The following IFT80 variants were observed in gnomAD, a reference collection of about 807,000 sequenced individuals.
IFT80 encodes intraflagellar transport 80.
IFT80 carries 79 observed loss-of-function variants against 107.9 expected under a neutral mutation model. That is an observed-to-expected ratio of 0.73 (90% CI 0.61 to 0.88). The LOEUF (loss-of-function observed/expected upper bound fraction) is 0.88, where lower values mean the gene tolerates loss of function less well. Among genes scored for constraint, IFT80 ranks in the 40% least tolerant of loss-of-function variants. The pLI is 0.00. For synonymous variants in IFT80, 299 were observed against 300.9 expected, an observed-to-expected ratio of 0.99 and a Z score of 0.07; for missense variants, 797 against 914.2, an observed-to-expected ratio of 0.87 and a Z score of 1.65.
intron 7 of IFT80, among the ~76,000 whole-genome samples, chr3:160,356,860 C>T (rs1043657110): frequency 1.3e-5 from 2 of 152,138 alleles, no homozygotes; most frequent in African/African-American, 2.4e-5. Flanking sequence ...CCTGTAAGGG[C>T]TCTACCTACT....
At chr3:160,286,879 G>A (rs1398116146) in intron 12 of IFT80, among the ~76,000 whole-genome samples, 1 of 151,978 alleles carries the variant, frequency 6.6e-6, no homozygotes, top group Admixed American at 6.5e-5. Flanking sequence ...AGAATTTCCT[G>A]AGTGATTAGA....
intron 6 of IFT80, among the ~76,000 whole-genome samples, chr3:160,364,982 C>T (rs1207665733): frequency 1.3e-5 from 2 of 150,142 alleles, no homozygotes; most frequent in East Asian, 3.9e-4. Context: ...GCACATGTAC[C>T]CTAGAACTTA....
intron 19 of IFT80, among the ~76,000 whole-genome samples, chr3:160,262,908 G>C (rs1320691150): frequency 6.6e-6 from 1 of 152,016 alleles, no homozygotes; most frequent in African/African-American, 2.4e-5. Flanking sequence ...AATTCATATA[G>C]CTTCAACTAT....
chr3:160,289,385 G>T (rs1279182221), intron 12 of IFT80, among the ~76,000 whole-genome samples: 1 of 152,176 alleles, frequency 6.6e-6, no homozygotes, highest in Non-Finnish European at 1.5e-5. Flanking sequence ...AAAATAATCT[G>T]TACAACAAAC....
intron 6 of IFT80, among the ~76,000 whole-genome samples, chr3:160,365,032 A>G (rs773471650): frequency 2.6e-5 from 4 of 151,570 alleles, no homozygotes; most frequent in Admixed American, 1.3e-4. Context: ...ACAAATTCAC[A>G]TAACTATAAA....
At chr3:160,313,349 G>T (rs901275842) in intron 9 of IFT80, among the ~76,000 whole-genome samples, 5 of 150,912 alleles carry the variant, frequency 3.3e-5, no homozygotes, top group African/African-American at 1.2e-4. Context: ...AAACAAACAG[G>T]TTTAAGAAAA....
At chr3:160,283,984 C>T (rs768177189) in intron 13 of IFT80, among the ~76,000 whole-genome samples, 4 of 152,116 alleles carry the variant, frequency 2.6e-5, no homozygotes, top group Non-Finnish European at 5.9e-5. Flanking sequence ...AATACACAGA[C>T]TTGAGTTCTA....
chr3:160,371,659 T>C (rs935758343), intron 5 of IFT80, among the ~76,000 whole-genome samples: 1 of 152,168 alleles, frequency 6.6e-6, no homozygotes, highest in African/African-American at 2.4e-5. Context: ...CCCAGGCTGA[T>C]CTCCAGCTCC....
intron 12 of IFT80, among the ~76,000 whole-genome samples, chr3:160,293,608 T>G (rs1387299638): frequency 6.6e-6 from 1 of 152,196 alleles, no homozygotes; most frequent in Admixed American, 6.5e-5. Context: ...GTCTTTGTCC[T>G]GGGCTCCTGG....
intron 1 of IFT80, among the ~76,000 whole-genome samples, chr3:160,395,790 A>G (rs762637843): frequency 8.5e-5 from 13 of 152,180 alleles, no homozygotes; most frequent in Non-Finnish European, 1.8e-4. Context: ...CCCTTAATCC[A>G]GTTATAGTCA....
intron 8 of IFT80, among the ~76,000 whole-genome samples, chr3:160,344,028 T>G (rs1576840188): frequency 6.6e-6 from 1 of 152,186 alleles, no homozygotes; most frequent in South Asian, 2.1e-4. Context: ...TACCAAACTA[T>G]CCTTGAGAAA....
chr3:160,385,264 C>T (rs1016163472), intron 1 of IFT80, among the ~76,000 whole-genome samples: 1 of 152,098 alleles, frequency 6.6e-6, no homozygotes, highest in Non-Finnish European at 1.5e-5. Flanking sequence ...AGAAGAATAA[C>T]ATTCCCCAAA....
At chr3:160,309,223 A>G (rs1047468634) in intron 9 of IFT80, among the ~76,000 whole-genome samples, 12 of 152,226 alleles carry the variant, frequency 7.9e-5, no homozygotes, top group African/African-American at 1.2e-4. Context: ...ATAAAATAAC[A>G]TATGCACAGA....
chr3:160,361,041 T>G (rs910673679), intron 6 of IFT80, among the ~76,000 whole-genome samples: 6 of 152,150 alleles, frequency 3.9e-5, no homozygotes, highest in Admixed American at 1.3e-4. Flanking sequence ...TAACCTTAAA[T>G]GTAAATGGGC....
chr3:160,308,850 T>G (rs969220540), intron 9 of IFT80, among the ~76,000 whole-genome samples: 1 of 152,142 alleles, frequency 6.6e-6, no homozygotes, highest in African/African-American at 2.4e-5. Context: ...TTTGGAAGGT[T>G]GTGAGCCCTT....
At chr3:160,314,338 G>A (rs1371594432) in intron 9 of IFT80, among the ~76,000 whole-genome samples, 8 of 152,070 alleles carry the variant, frequency 5.3e-5, no homozygotes, top group Non-Finnish European at 7.4e-5. Context: ...GTACCTGCAC[G>A]CTTTCCCTCC....
chr3:160,286,305 G>A (rs1004796437), intron 12 of IFT80, among the ~76,000 whole-genome samples: 8 of 152,196 alleles, frequency 5.3e-5, no homozygotes, highest in Non-Finnish European at 8.8e-5. Flanking sequence ...AGCTTGCATG[G>A]GGGAGAATCA....
rs899479641 is a variant in IFT80 at position 160,366,131 on chromosome 3, G to A, written c.461C>T (p.Ala154Val). 20 of 1,611,034 alleles carry A rather than the reference G, an allele frequency of 1.2e-5. No individual in the cohort carries two copies. Among genetic ancestry groups the A allele is most frequent in the South Asian group, 4.4e-5 (4 of 91,008 alleles). The change falls in exon 6 of 20, where the codon GCG becomes GTG. Residue 154 changes from alanine (A) to valine (V), a missense_variant. By Grantham distance (64) the Ala-to-Val change is moderately conservative. Coordinates refer to ENST00000326448, the MANE Select transcript of IFT80 (RefSeq NM_020800.3). ...AACCTTTTCTGAATCAGGGCCCCAC[G>A]CTACTGAATACACTGGTGTTCCTGT... ...AQQGTPVYSV[A>V]WGPDSEKVLY...
rs1576743103 is a variant in IFT80, at chr3:160,279,299, T to C, written c.1730A>G (p.Asp577Gly). ...VGNQVTIRRA[D>G]GSLVHISITP... ...TATGCTGATGTGAACCAGGGAGCCA[T>C]CAGCTCTTCTAATAGTTACTTGATT... The change falls in exon 16 of 20, where the codon GAT becomes GGT. Residue 577 changes from aspartate to glycine, a missense_variant. Transcript: ENST00000326448. 1 of 1,613,016 alleles carries C rather than the reference T, an allele frequency of 6.2e-7. No homozygotes were observed. Among genetic ancestry groups the C allele is most frequent in the South Asian group, 1.1e-5 (1 of 91,048 alleles).
Sources: gnomAD v4.1 joint callset for allele counts (sites outside exome capture counted in the v4.1 genomes callset) on GRCh38, gnomAD v4.1.1 for gene constraint, MANE v1.5 for transcripts, NCBI Gene and HGNC (gene_info 2026-07-23, HGNC 2026-07-21) for gene names.